The following SREBF1 variants were observed in gnomAD, a reference collection of about 807,000 sequenced individuals.
The protein encoded by SREBF1 is sterol regulatory element binding transcription factor 1.
In SREBF1, 45 loss-of-function variants were observed where a neutral mutation model predicts 100.1. The observed-to-expected ratio is 0.45, with a 90% CI of 0.35 to 0.58. The LOEUF is 0.58. Ranked by LOEUF, SREBF1 falls within the 20% of genes least tolerant of loss-of-function variation. SREBF1 has a pLI of 0.00. For synonymous variants in SREBF1, 657 were observed against 681.8 expected (o/e 0.96, Z 0.57); for missense variants, 1,324 against 1,539.4 (o/e 0.86, Z 2.34).
intron 1 of SREBF1, among the ~76,000 whole-genome samples, chr17:17,829,208 ATATATATATAT>A (rs2034697809): frequency 7.3e-5 from 7 of 95,506 alleles, no homozygotes; most frequent in African/African-American, 2.8e-4. Context: ...AAAAAAAAAT[ATATATATATAT>A]ATATATATAT....
In SREBF1 at chr17:17,813,603, C is replaced by T. The variant is rs749621740; in HGVS notation, c.3068G>A (p.Arg1023Gln). ...GFQRDLSSLR[R>Q]LAQSFRPAMR... The stretch of plus-strand genomic sequence containing the variant: ...GGCGGGCCGGAAGCTCTGTGCCAGC[C>T]GCCTCAGGCTGCTCAGGTCCCGTTG... Residue 1023 changes from arginine to glutamine, a missense_variant, in exon 17 of 19, where the codon CGG becomes CAG. Coordinates refer to ENST00000261646, the MANE Select transcript of SREBF1 (RefSeq NM_004176.5). 45 of 1,591,320 alleles carry T rather than the reference C, an allele frequency of 2.8e-5. No homozygotes were observed. The highest frequency in any genetic ancestry group is 1.6e-4 in the Middle Eastern group (1 of 6,072).
In SREBF1 at chr17:17,824,014, CTG is replaced by C. The variant is rs1250058900; in HGVS notation, c.92-3495_92-3494del. 2.0e-5 allele frequency among the ~76,000 whole-genome samples: 3 copies of C among 152,202 alleles called. No homozygotes were observed. The East Asian group carries it at 5.8e-4, about 29-fold the overall frequency. ...AGTCCTGGCCCAACACACCAGAACT[CTG>C]TGTTCGAAATCACTGGTTCGCTGGC... On this transcript the variant is annotated intron_variant, in intron 1 of 18. Coordinates refer to ENST00000261646, the MANE Select transcript of SREBF1 (RefSeq NM_004176.5). The surrounding 1 kb of genome is among the most constrained non-coding windows in gnomAD (Gnocchi z 4.2).
In SREBF1 at chr17:17,818,381, G is replaced by T; in HGVS notation, c.1069-7C>A. 1 of 1,610,096 alleles carries T rather than the reference G, an allele frequency of 6.2e-7. No homozygotes were observed. The highest frequency in any genetic ancestry group is 8.5e-7 in the Non-Finnish European group (1 of 1,177,306). On this transcript the variant is annotated splice_polypyrimidine_tract_variant and splice_region_variant and intron_variant, in intron 5 of 18. Transcript: ENST00000261646. The stretch of plus-strand genomic sequence containing the variant: ...AGACAGCAGATTTATTCAGCTGCAC[G>T]GTGTGGGAGGGAGGGGGAGCGCACA...
Position 17,813,480 on chromosome 17 carries a change from C to G in SREBF1, c.3103-1G>C. ...GGGCCGTGGCCTCATGTAGGAACACCTGGGGGCCAGGAGAGTGGAGGCTCA... is the reference window on the plus strand; with the variant it reads ...GGGCCGTGGCCTCATGTAGGAACACGTGGGGGCCAGGAGAGTGGAGGCTCA... On this transcript the variant is annotated splice_acceptor_variant, in intron 17 of 18. Transcript: ENST00000261646. LOFTEE classifies it high-confidence loss of function. The G allele has an allele frequency of 6.3e-7, 1 of 1,597,012 alleles. No homozygotes were observed. Among genetic ancestry groups the G allele is most frequent in the Non-Finnish European group, 8.5e-7 (1 of 1,172,074 alleles).
rs115905069 is a variant in SREBF1, at chr17:17,834,742, C to T, written c.91+1985G>A. 9.1e-3 allele frequency among the ~76,000 whole-genome samples: 1,391 copies of T among 152,248 alleles called. 20 individuals are homozygous for T. The highest frequency in any genetic ancestry group is 0.03 in the African/African-American group (1,233 of 41,554). On this transcript the variant is annotated intron_variant, in intron 1 of 18. Coordinates refer to ENST00000261646, the MANE Select transcript of SREBF1 (RefSeq NM_004176.5). ...CAGTAAGAAAGGTCTGGGCTGGGAG[C>T]GGTGGCTCACACCTGTAATCCCAGC...
intron 18 of SREBF1, 62 bp downstream of exon 18, chr17:17,813,306 C>T (rs528539884): frequency 1.4e-6 from 2 of 1,478,780 alleles, no homozygotes; most frequent in Non-Finnish European, 1.8e-6. Context: ...GGTATCACAT[C>T]CCATGTGCGC....
intron 1 of SREBF1, 93 bp downstream of exon 1, chr17:17,836,634 C>T: frequency 7.7e-7 from 1 of 1,299,486 alleles, no homozygotes; most frequent in Non-Finnish European, 1.1e-6. Context: ...ACGGAGCTGG[C>T]GCCCGTGGGG....
At chr17:17,816,160 CTGGAGAGAGCTGCAGGGATAAG>C (rs774877271) in intron 11 of SREBF1, 25 bp downstream of exon 11, 1 of 1,368,992 alleles carries the variant, frequency 7.3e-7, no homozygotes, top group Non-Finnish European at 1.0e-6. Flanking sequence ...CAGGGAGCCT[CTGGAGAGAGCTGCAGGGATAAG>C]CCCCCAGCCC....
intron 1 of SREBF1, among the ~76,000 whole-genome samples, chr17:17,822,415 T>G (rs918657939): frequency 3.3e-5 from 5 of 152,224 alleles, no homozygotes; most frequent in African/African-American, 1.2e-4. Context: ...GCCTGGCCAC[T>G]CAGGGCTTTG....
At chr17:17,823,484 T>C (rs776200304) in intron 1 of SREBF1, 3 of 1,460,390 alleles carry the variant, frequency 2.1e-6, no homozygotes, top group South Asian at 2.3e-5. Context: ...GGAGGCATTG[T>C]ATAAAGGGCT....
In SREBF1 at chr17:17,811,582, A is replaced by G. The variant is rs1598104699; in HGVS notation, c.*1040T>C. The G allele has an allele frequency of 5.2e-6, 2 of 384,256 alleles. No homozygotes were observed. Among genetic ancestry groups the G allele is most frequent in the Non-Finnish European group, 1.0e-5 (2 of 200,444 alleles). The allele number at this position is 384,256 out of a possible 1,614,324, so 23.8% of individuals were successfully genotyped here. A position where few individuals can be genotyped will look rare whatever the true frequency, so the allele number is the denominator to read the frequency against. On this transcript the variant is annotated 3_prime_UTR_variant, in exon 19 of 19. Coordinates refer to ENST00000261646, the MANE Select transcript of SREBF1 (RefSeq NM_004176.5). The stretch of plus-strand genomic sequence containing the variant: ...AGTCAGGGAGTCGGCCTTTCACAGA[A>G]CAGGAAACCTCCCCCGCCCCTGTGC...
At chr17:17,828,075 G>A (rs913859538) in intron 1 of SREBF1, among the ~76,000 whole-genome samples, 11 of 152,190 alleles carry the variant, frequency 7.2e-5, no homozygotes, top group Admixed American at 2.6e-4. Context: ...GCACAGGGCT[G>A]ACCACAGCAG....
chr17:17,819,700 C>T lies in SREBF1; in HGVS notation c.549G>A (p.Gln183=). 6.2e-7 allele frequency: 1 copy of T among 1,608,338 alleles called. No individual in the cohort carries two copies. Among genetic ancestry groups the T allele is most frequent in the Non-Finnish European group, 8.5e-7 (1 of 1,178,614 alleles). Residue 183 remains glutamine (Q), a synonymous_variant, in exon 3 of 19, where the codon CAG becomes CAA. Transcript: ENST00000261646. ...AAGCCAGTGGCAGGCCAGGCAGCGG[C>T]TGCTGGGTGTTCCCGGGAGGGCTTC... is the stretch of plus-strand genomic sequence containing the variant. ...STGSPPGNTQ[Q]PLPGLPLASP... is the part of the protein sequence containing the mutation.
chr17:17,832,656 C>T (rs1478337130), intron 1 of SREBF1, among the ~76,000 whole-genome samples: 3 of 152,160 alleles, frequency 2.0e-5, no homozygotes, highest in African/African-American at 4.8e-5. Context: ...CACAGTGGCT[C>T]ACGCCTGTAA....
At chr17:17,816,071 GGGCCAGACCCCGGGCCGAGTCCCAGCTT>G in intron 11 of SREBF1, 43 bp from the exon 12 acceptor site, 1 of 1,604,040 alleles carries the variant, frequency 6.2e-7, no homozygotes, top group East Asian at 2.2e-5. Context: ...ACACAGCCTG[GGGCCAGACCCCGGGCCGAGTCCCAGCTT>G]GGCCTGGAGT....
chr17:17,823,576 G>T (rs757419059), intron 1 of SREBF1: 2 of 1,613,278 alleles, frequency 1.2e-6, no homozygotes, highest in Non-Finnish European at 1.7e-6. Context: ...CGTCCAGGCC[G>T]TTGGCCCTAC....
chr17:17,829,213 T>A (rs1161708991), intron 1 of SREBF1, among the ~76,000 whole-genome samples: 457 of 33,860 alleles, frequency 0.013, 10 homozygotes, highest in African/African-American at 0.024. Flanking sequence ...AAAATATATA[T>A]ATATATATAT....
In SREBF1 at chr17:17,820,335, G is replaced by A. The variant is rs149599437; in HGVS notation, c.278C>T (p.Ala93Val). ...CTGGGGAGGGGACAGGGGTGAGGGC[G>A]CTGCCTGCGGCCCGCTCAGGAAGGC... is the stretch of plus-strand genomic sequence containing the variant. ...LEAFLSGPQA[A>V]PSPLSPPQPA... The change falls in exon 2 of 19, where the codon GCG (alanine) becomes GTG (valine). Residue 93 changes from alanine to valine, a missense_variant. Ala to Val is a moderately conservative substitution (Grantham distance 64). Coordinates refer to ENST00000261646, the MANE Select transcript of SREBF1 (RefSeq NM_004176.5). The A allele has an allele frequency of 1.9e-5, 30 of 1,613,098 alleles. No individual in the cohort carries two copies. Among genetic ancestry groups the A allele is most frequent in the Non-Finnish European group, 2.3e-5 (27 of 1,179,520 alleles).
chr17:17,813,851 G>T, intron 16 of SREBF1, 82 bp from the exon 17 acceptor site: 1 of 1,379,818 alleles, frequency 7.2e-7, no homozygotes, highest in East Asian at 2.5e-5. Flanking sequence ...GCCAGGGGCC[G>T]GCTCCGGGCT....
Sources: allele counts gnomAD v4.1 joint callset (sites outside exome capture counted in the v4.1 genomes callset), GRCh38; gene constraint gnomAD v4.1.1; non-coding constraint Gnocchi (gnomAD v3.1); transcripts MANE v1.5; gene names NCBI Gene and HGNC (gene_info 2026-07-23, HGNC 2026-07-21).